The following ACSBG1 variants were observed in gnomAD, a reference collection of about 807,000 sequenced individuals.
ACSBG1 encodes long-chain-fatty-acid--CoA ligase ACSBG1.
Under a neutral mutation model 80.2 loss-of-function variants are expected in ACSBG1, and 39 were observed. The observed-to-expected ratio is 0.49, with a 90% CI of 0.38 to 0.64. The LOEUF (loss-of-function observed/expected upper bound fraction) is 0.64. Ranked by LOEUF, ACSBG1 falls within the 30% of genes least tolerant of loss-of-function variation. The pLI, the probability that ACSBG1 is intolerant of heterozygous loss-of-function variation, is 0.00. For synonymous variants in ACSBG1, 392 were observed against 379.5 expected, an observed-to-expected ratio of 1.03 and a Z score of -0.38; for missense variants, 828 against 966.4, an observed-to-expected ratio of 0.86 and a Z score of 1.90.
rs1420293737 is a variant in ACSBG1, at chr15:78,182,407, G to GC, written c.894+58dup. On this transcript the variant is annotated intron_variant, in intron 7 of 13. Transcript: ENST00000258873. ...CAGGGGCTACTGGGGCAGAGCCATG[G>GC]CCCAGATCCACCCATAACCCCCTTG... is the stretch of plus-strand genomic sequence containing the variant. The GC allele has an allele frequency of 1.9e-6, 3 of 1,595,146 alleles. No individual in the cohort carries two copies. The Admixed American group carries it at 5.2e-5, about 28-fold the overall frequency.
chr15:78,178,879 C>A lies in ACSBG1; in HGVS notation c.1485-48G>T. On this transcript the variant is annotated intron_variant, in intron 10 of 13. Transcript: ENST00000258873. This position sits in a 1 kb window ranked among gnomAD's most constrained non-coding sequence, Gnocchi z 4.3. ...ACTGGTCAGAGGGAGCCGTCTCCTCCAAGCCCCCACTGGGGAGCCGGGGTC... is the reference window on the plus strand; with the variant it reads ...ACTGGTCAGAGGGAGCCGTCTCCTCAAAGCCCCCACTGGGGAGCCGGGGTC... 6.5e-7 allele frequency: 1 copy of A among 1,543,668 alleles called. No individual in the cohort carries two copies.
At chr15:78,183,384 C>G (rs900433426) in intron 5 of ACSBG1, among the ~76,000 whole-genome samples, 1 of 151,754 alleles carries the variant, frequency 6.6e-6, no homozygotes, top group Admixed American at 6.6e-5. Context: ...CGAGACCAGC[C>G]TGGTCAACAT....
intron 5 of ACSBG1, among the ~76,000 whole-genome samples, chr15:78,189,263 C>T (rs1366464817): frequency 6.0e-5 from 9 of 149,772 alleles, no homozygotes; most frequent in African/African-American, 1.8e-4. Flanking sequence ...GTCAGTGTGC[C>T]GATTCCTCAG....
chr15:78,213,096 G>A (rs1197187957), intron 1 of ACSBG1, among the ~76,000 whole-genome samples: 1 of 152,190 alleles, frequency 6.6e-6, no homozygotes, highest in African/African-American at 2.4e-5. Context: ...CTCCATGGAA[G>A]GTGTTGCCTA....
chr15:78,229,760 C>T (rs1469685150), intron 1 of ACSBG1, among the ~76,000 whole-genome samples: 1 of 152,158 alleles, frequency 6.6e-6, no homozygotes, highest in Non-Finnish European at 1.5e-5. Context: ...CTCACTGCTG[C>T]TAGATTCACA....
At chr15:78,201,654 T>C (rs988555189) in intron 2 of ACSBG1, among the ~76,000 whole-genome samples, 14 of 152,222 alleles carry the variant, frequency 9.2e-5, no homozygotes, top group African/African-American at 3.1e-4. Context: ...CTTCTTCTCA[T>C]GTCCATGTGT....
intron 5 of ACSBG1, among the ~76,000 whole-genome samples, chr15:78,189,858 AAAGT>A: frequency 6.6e-6 from 1 of 152,166 alleles, no homozygotes; most frequent in Non-Finnish European, 1.5e-5. Flanking sequence ...TAAATTTAAA[AAAGT>A]AATTGGCAAT....
chr15:78,230,977 AG>A (rs1404268767), intron 1 of ACSBG1, among the ~76,000 whole-genome samples: 1 of 152,148 alleles, frequency 6.6e-6, no homozygotes, highest in Non-Finnish European at 1.5e-5. Flanking sequence ...TTATTTATCT[AG>A]TTTTTGAGAC....
chr15:78,206,809 T>C (rs1202669382), intron 2 of ACSBG1, among the ~76,000 whole-genome samples: 2 of 152,218 alleles, frequency 1.3e-5, no homozygotes, highest in Non-Finnish European at 2.9e-5. Context: ...GGGCTGGGGA[T>C]TATGTGTTTC....
At position 78,204,298 on chromosome 15, in the gene ACSBG1, G is replaced by A. The variant is rs535985360; in HGVS notation, c.232+3704C>T. On this transcript the variant is annotated intron_variant, in intron 2 of 13. Coordinates refer to ENST00000258873, the MANE Select transcript of ACSBG1 (RefSeq NM_015162.5). ...TCCACTTGTCCAGGCCTGGACCACC[G>A]GGGTAAGGGACCTGAGATGGGCTTT... Among the ~76,000 whole-genome samples, 366 of 152,322 alleles carry A rather than the reference G, an allele frequency of 2.4e-3. 1 individual carries two copies. Among genetic ancestry groups the A allele is most frequent in the South Asian group, 7.5e-3 (36 of 4,830 alleles).
At chr15:78,223,840 T>C (rs567340098) in intron 1 of ACSBG1, among the ~76,000 whole-genome samples, 1 of 152,298 alleles carries the variant, frequency 6.6e-6, no homozygotes, top group African/African-American at 2.4e-5. Context: ...CATGTATTCT[T>C]ACAAGTGGGA....
At chr15:78,227,811 G>A (rs947324932) in intron 1 of ACSBG1, among the ~76,000 whole-genome samples, 4 of 152,326 alleles carry the variant, frequency 2.6e-5, no homozygotes, top group South Asian at 4.1e-4. Context: ...ACGTACAGAC[G>A]AATGAACTAC....
intron 2 of ACSBG1, among the ~76,000 whole-genome samples, chr15:78,199,811 A>T (rs1440313965): frequency 6.6e-6 from 1 of 152,044 alleles, no homozygotes; most frequent in East Asian, 1.9e-4. Flanking sequence ...ATATGTTTTA[A>T]ATCATATGAA....
chr15:78,211,852 C>T (rs561901728), intron 1 of ACSBG1, among the ~76,000 whole-genome samples: 2 of 152,324 alleles, frequency 1.3e-5, no homozygotes, highest in Admixed American at 1.3e-4. Flanking sequence ...CACCCTCTCA[C>T]CCCTGTGGCC....
intron 5 of ACSBG1, among the ~76,000 whole-genome samples, chr15:78,187,131 T>C (rs1311565736): frequency 2.0e-5 from 3 of 152,230 alleles, no homozygotes; most frequent in South Asian, 2.1e-4. Flanking sequence ...CAGGAAGAAG[T>C]TGACTCTCTG....
intron 2 of ACSBG1, among the ~76,000 whole-genome samples, chr15:78,195,076 TC>T (rs1295210293): frequency 6.6e-6 from 1 of 152,196 alleles, no homozygotes; most frequent in Non-Finnish European, 1.5e-5. Context: ...CCAGGTGCCT[TC>T]AGGGTATCTG....
In ACSBG1 at chr15:78,178,638, G is replaced by C. The variant is rs1168262216; in HGVS notation, c.1678C>G (p.Leu560Val). 6.2e-7 allele frequency: 1 copy of C among 1,613,074 alleles called. No individual in the cohort carries two copies. The highest frequency in any genetic ancestry group is 1.3e-5 in the African/African-American group (1 of 75,060). ...DAGRLDADGF[L>V]YITGRLKELI... ...CCTTTGAGGCGCCCAGTGATGTAGAGGAAGCCATCGGCGTCCAGGCGGCCA... is the reference window on the plus strand; with the variant it reads ...CCTTTGAGGCGCCCAGTGATGTAGACGAAGCCATCGGCGTCCAGGCGGCCA... Residue 560 changes from leucine (L) to valine (V), a missense_variant, in exon 11 of 14, where the codon CTC (leucine) becomes GTC (valine). Leu to Val is a conservative substitution (Grantham distance 32, BLOSUM62 1). This residue lies in a region of ACSBG1 where 201 missense variants were observed against 227.0 expected (regional missense o/e 0.89). Coordinates refer to ENST00000258873, the MANE Select transcript of ACSBG1 (RefSeq NM_015162.5). The surrounding 1 kb of genome is among the most constrained non-coding windows in gnomAD (Gnocchi z 4.3).
At chr15:78,224,647 G>C (rs2075385687) in intron 1 of ACSBG1, among the ~76,000 whole-genome samples, 1 of 152,160 alleles carries the variant, frequency 6.6e-6, no homozygotes, top group African/African-American at 2.4e-5. Context: ...CATGAACCCA[G>C]GAGGTGGAGG....
At position 78,172,794 on chromosome 15, in the gene ACSBG1, C is replaced by T. The variant is rs1410970025; in HGVS notation, c.2089+799G>A. Among the ~76,000 whole-genome samples the T allele has an allele frequency of 6.6e-6, 1 of 152,250 alleles. No individual in the cohort carries two copies. The highest frequency in any genetic ancestry group is 1.9e-4 in the East Asian group (1 of 5,202). Reference sequence around the variant, plus strand: ...ACATCCCATGAACATCTCTTGGCTACAGCCAAGAGTGACTTCAGCTGAGGC... The same window carrying T: ...ACATCCCATGAACATCTCTTGGCTATAGCCAAGAGTGACTTCAGCTGAGGC... On this transcript the variant is annotated intron_variant, in intron 13 of 13. Coordinates refer to ENST00000258873, the MANE Select transcript of ACSBG1 (RefSeq NM_015162.5). The surrounding 1 kb of genome is among the most constrained non-coding windows in gnomAD (Gnocchi z 4.1).
Sources: allele counts gnomAD v4.1 joint callset (sites outside exome capture counted in the v4.1 genomes callset), GRCh38; gene constraint gnomAD v4.1.1; regional missense constraint gnomAD v4.1.1; non-coding constraint Gnocchi (gnomAD v3.1); transcripts MANE v1.5; gene names NCBI Gene and HGNC (gene_info 2026-07-23, HGNC 2026-07-21).